SLC22A13: variants seen among roughly 807,000 people sequenced by gnomAD.
SLC22A13 encodes the protein organic anion transporter 10.
A neutral mutation model predicts 49.1 loss-of-function variants in SLC22A13; 42 were observed. That is an observed-to-expected ratio of 0.85 (90% CI 0.67 to 1.11). The LOEUF (loss-of-function observed/expected upper bound fraction) is 1.11, where lower values mean the gene tolerates loss of function less well. SLC22A13 is among the 50% of genes least tolerant of loss of function. The pLI, the probability that SLC22A13 is intolerant of heterozygous loss-of-function variation, is 0.00. For missense variants in SLC22A13, 694 were observed against 712.8 expected (o/e 0.97, Z 0.30); for synonymous variants, 282 against 293.1 (o/e 0.96, Z 0.39).
chr3:38,277,389 C>T lies in SLC22A13; in HGVS notation c.1580C>T (p.Pro527Leu), dbSNP rs1005066966. Residue 527 changes from proline (P) to leucine (L), a missense_variant, in exon 10 of 10, where the codon CCC becomes CTC. By Grantham distance (98) the Pro-to-Leu change is moderately conservative. Coordinates refer to ENST00000311856, the MANE Select transcript of SLC22A13 (RefSeq NM_004256.4). ...CCCTCTAGGTCCCCCAAATCAGTGC[C>T]CTCAGAGAAGGAAACAGAGGCCAAG... The part of the protein sequence containing the change: ...GPHPRSPKSV[P>L]SEKETEAKGR... 7 of 1,613,874 alleles carry T rather than the reference C, an allele frequency of 4.3e-6. No homozygotes were observed. The African/African-American group carries it at 9.3e-5, about 22-fold the overall frequency.
intron 1 of SLC22A13, among the ~76,000 whole-genome samples, chr3:38,269,105 G>A (rs1053405490): frequency 1.3e-5 from 2 of 152,100 alleles, no homozygotes; most frequent in Non-Finnish European, 2.9e-5. Context: ...TGAAGCAACA[G>A]AACAAACGAG....
intron 1 of SLC22A13, among the ~76,000 whole-genome samples, chr3:38,273,072 C>T (rs1703538311): frequency 6.6e-6 from 1 of 152,180 alleles, no homozygotes; most frequent in Non-Finnish European, 1.5e-5. Flanking sequence ...AGGGTAAGTG[C>T]TCAGTGGTTG....
intron 1 of SLC22A13, among the ~76,000 whole-genome samples, chr3:38,271,288 G>A (rs1703516989): frequency 6.6e-6 from 1 of 152,030 alleles, no homozygotes; most frequent in South Asian, 2.1e-4. Context: ...AAATGGGCTG[G>A]GTGCAGTGGC....
intron 1 of SLC22A13, among the ~76,000 whole-genome samples, chr3:38,269,033 C>T (rs1354396749): frequency 6.6e-6 from 1 of 152,174 alleles, no homozygotes; most frequent in East Asian, 1.9e-4. Context: ...TAACAATTAG[C>T]ATTAGTGTAC....
At chr3:38,270,302 G>A (rs1469572259) in intron 1 of SLC22A13, 1 of 195,436 alleles carries the variant, frequency 5.1e-6, no homozygotes, top group East Asian at 1.2e-4. Flanking sequence ...CCTTCTCTGT[G>A]AGTGCAGAAT....
At chr3:38,267,403 T>C (rs1289218659) in intron 1 of SLC22A13, among the ~76,000 whole-genome samples, 2 of 135,438 alleles carry the variant, frequency 1.5e-5, no homozygotes, top group Non-Finnish European at 3.1e-5. Flanking sequence ...CTTCTGACCC[T>C]TACTGTCCTC....
rs1703583602 is a variant in SLC22A13, at chr3:38,276,323, G to A, written c.1274G>A (p.Gly425Glu). 1.9e-6 allele frequency: 3 copies of A among 1,613,790 alleles called. No homozygotes were observed. The East Asian group carries it at 6.7e-5, about 36-fold the overall frequency. Residue 425 changes from glycine (G) to glutamate (E), a missense_variant, in exon 8 of 10, where the codon GGG becomes GAG. Transcript: ENST00000311856. Reference sequence around the variant, plus strand: ...GTGGTCACCATGCTGGCTGTGGTGGGGAAGATGGCCACAGCTGCTGCCTTT... The same window carrying A: ...GTGGTCACCATGCTGGCTGTGGTGGAGAAGATGGCCACAGCTGCTGCCTTT... ...PVVVTMLAVV[G>E]KMATAAAFTI...
chr3:38,266,312 A>T (rs4679027), intron 1 of SLC22A13, 74 bp downstream of exon 1: 1 of 1,537,778 alleles, frequency 6.5e-7, no homozygotes, highest in Admixed American at 1.7e-5. Flanking sequence ...CTTCGCCCTC[A>T]GTCACTGGCT....
chr3:38,274,903 G>A, intron 3 of SLC22A13, 86 bp from the exon 4 acceptor site: 1 of 1,568,410 alleles, frequency 6.4e-7, no homozygotes, highest in Non-Finnish European at 8.7e-7. Context: ...TTGGCACTGA[G>A]GCCCAGCCCC....
intron 2 of SLC22A13, 29 bp from the exon 3 acceptor site, chr3:38,274,575 C>G: frequency 6.2e-7 from 1 of 1,606,998 alleles, no homozygotes; most frequent in Non-Finnish European, 8.5e-7. Flanking sequence ...GGGAGGGACC[C>G]TCCCCACAGA....
rs1479670843 is a variant in SLC22A13, at chr3:38,274,621, C to T, written c.500C>T (p.Thr167Ile). The change falls in exon 3 of 10, where the codon ACA (threonine) becomes ATA (isoleucine). Residue 167 changes from threonine to isoleucine, a missense_variant. By Grantham distance (89) the Thr-to-Ile change is moderately conservative. Coordinates refer to ENST00000311856, the MANE Select transcript of SLC22A13 (RefSeq NM_004256.4). ...PLCDRIGRKA[T>I]ILAQLLLFTL... ...TTCCTCAGGATTGGCCGCAAGGCCA[C>T]AATCCTGGCGCAGCTGCTCCTCTTC... The T allele has an allele frequency of 1.9e-6, 3 of 1,613,892 alleles. No individual in the cohort carries two copies. In the South Asian group the frequency reaches 3.3e-5, roughly 18 times the overall value.
At chr3:38,267,759 T>G (rs1392384638) in intron 1 of SLC22A13, among the ~76,000 whole-genome samples, 1 of 152,164 alleles carries the variant, frequency 6.6e-6, no homozygotes, top group Non-Finnish European at 1.5e-5. Flanking sequence ...ATTTGCTTCC[T>G]CCTGGTTCCG....
Position 38,276,334 on chromosome 3 carries a change from A to G in SLC22A13, c.1285A>G (p.Thr429Ala). 1 of 1,613,802 alleles carries G rather than the reference A, an allele frequency of 6.2e-7. No homozygotes were observed. Among genetic ancestry groups the G allele is most frequent in the South Asian group, 1.1e-5 (1 of 91,044 alleles). Residue 429 changes from threonine to alanine, a missense_variant, in exon 8 of 10, where the codon ACA becomes GCA. Coordinates refer to ENST00000311856, the MANE Select transcript of SLC22A13 (RefSeq NM_004256.4). Reference sequence around the variant, plus strand: ...GCTGGCTGTGGTGGGGAAGATGGCCACAGCTGCTGCCTTTACCATCTCCTA... The same window carrying G: ...GCTGGCTGTGGTGGGGAAGATGGCCGCAGCTGCTGCCTTTACCATCTCCTA... ...TMLAVVGKMA[T>A]AAAFTISYVY...
At chr3:38,273,064 G>A (rs1703538163) in intron 1 of SLC22A13, among the ~76,000 whole-genome samples, 1 of 152,150 alleles carries the variant, frequency 6.6e-6, no homozygotes. Flanking sequence ...CCCAGCACAG[G>A]GTAAGTGCTC....
At chr3:38,266,307 C>G in intron 1 of SLC22A13, 69 bp downstream of exon 1, 1 of 1,547,000 alleles carries the variant, frequency 6.5e-7, no homozygotes, top group Non-Finnish European at 8.8e-7. Context: ...TGACTCTTCG[C>G]CCTCAGTCAC....
intron 1 of SLC22A13, chr3:38,270,255 A>G (rs540818574): frequency 1.2e-5 from 2 of 162,476 alleles, no homozygotes; most frequent in South Asian, 1.5e-4. Flanking sequence ...GCTGGGTCGA[A>G]TGGTGTTTCT....
At position 38,277,458 on chromosome 3, in the gene SLC22A13, A is replaced by G; in HGVS notation, c.1649A>G (p.Tyr550Cys). Reference sequence around the variant, plus strand: ...GGAGTGGCCTTTGTGAGCAGCACATACTTCTGATTGAGGTCTCTAAGAGCT... The same window carrying G: ...GGAGTGGCCTTTGTGAGCAGCACATGCTTCTGATTGAGGTCTCTAAGAGCT... The part of the protein sequence containing the change: ...SPGVAFVSST[Y>C]F The change falls in exon 10 of 10, where the codon TAC (tyrosine) becomes TGC (cysteine). Residue 550 changes from tyrosine (Y) to cysteine (C), a missense_variant. Physicochemically the swap from Tyr to Cys is radical, Grantham distance 194. Coordinates refer to ENST00000311856, the MANE Select transcript of SLC22A13 (RefSeq NM_004256.4). 1 of 1,612,824 alleles carries G rather than the reference A, an allele frequency of 6.2e-7. No individual in the cohort carries two copies.
At chr3:38,271,443 A>G (rs1454337984) in intron 1 of SLC22A13, among the ~76,000 whole-genome samples, 2 of 149,982 alleles carry the variant, frequency 1.3e-5, no homozygotes, top group Non-Finnish European at 3.0e-5. Flanking sequence ...GCACATGCCT[A>G]TAGTCTCAGC....
chr3:38,271,809 A>G (rs1703526613), intron 1 of SLC22A13, among the ~76,000 whole-genome samples: 1 of 152,162 alleles, frequency 6.6e-6, no homozygotes, highest in Non-Finnish European at 1.5e-5. Context: ...CCTTAGATAT[A>G]GTGCTAAGGA....
Sources: gnomAD v4.1 joint callset for allele counts (sites outside exome capture counted in the v4.1 genomes callset) on GRCh38, gnomAD v4.1.1 for gene constraint, MANE v1.5 for transcripts, NCBI Gene and HGNC (gene_info 2026-07-23, HGNC 2026-07-21) for gene names.